BMPER: variants seen among roughly 807,000 people sequenced by gnomAD.
BMPER encodes the protein BMP binding endothelial regulator.
Under a neutral mutation model 87.3 loss-of-function variants are expected in BMPER, and 45 were observed. That is an observed-to-expected ratio of 0.52 (90% CI 0.41 to 0.66). BMPER has a LOEUF of 0.66. Among genes scored for constraint, BMPER ranks in the 30% least tolerant of loss-of-function variants. The probability of loss-of-function intolerance (pLI) is 0.00; values close to 1 mark genes in which losing one functional copy is unlikely to be tolerated. For missense variants in BMPER, 784 were observed against 867.5 expected, an observed-to-expected ratio of 0.90 and a Z score of 1.21; for synonymous variants, 326 against 316.2, an observed-to-expected ratio of 1.03 and a Z score of -0.33.
At chr7:34,091,690 T>C (rs1789384880) in intron 13 of BMPER, among the ~76,000 whole-genome samples, 1 of 152,258 alleles carries the variant, frequency 6.6e-6, no homozygotes, top group Non-Finnish European at 1.5e-5. Context: ...TTATGCCTAG[T>C]GTTCCATTTT....
At chr7:34,110,811 CA>C (rs1789942114) in intron 13 of BMPER, among the ~76,000 whole-genome samples, 1 of 152,034 alleles carries the variant, frequency 6.6e-6, no homozygotes, top group African/African-American at 2.4e-5. Flanking sequence ...ACTGAATAAT[CA>C]GACAAAATTA....
intron 6 of BMPER, among the ~76,000 whole-genome samples, chr7:33,998,521 A>C (rs2127933289): frequency 6.6e-6 from 1 of 152,352 alleles, no homozygotes; most frequent in South Asian, 2.1e-4. Context: ...AATTCTCAAA[A>C]CTTAGGCACT....
chr7:34,060,361 TG>T (rs948049713), intron 10 of BMPER, among the ~76,000 whole-genome samples: 21 of 152,148 alleles, frequency 1.4e-4, no homozygotes, highest in African/African-American at 5.1e-4. Flanking sequence ...CGTCATTCCC[TG>T]GGCCTGAGCT....
intron 9 of BMPER, among the ~76,000 whole-genome samples, chr7:34,056,837 C>A (rs771866272): frequency 1.2e-4 from 18 of 152,204 alleles, no homozygotes; most frequent in Non-Finnish European, 2.1e-4. Flanking sequence ...AGGCTGATCT[C>A]GAACTCCCGA....
chr7:34,080,886 T>TTA (rs147899921), intron 12 of BMPER, among the ~76,000 whole-genome samples: 4,593 of 152,304 alleles, frequency 0.03, 217 homozygotes, highest in African/African-American at 0.1. Context: ...AGATTCCATG[T>TTA]TATAAAAATG....
At chr7:34,067,609 T>C (rs1406801556) in intron 11 of BMPER, among the ~76,000 whole-genome samples, 1 of 151,924 alleles carries the variant, frequency 6.6e-6, no homozygotes, top group Non-Finnish European at 1.5e-5. Flanking sequence ...AGAATAAGAA[T>C]TTGTGGTGTT....
intron 13 of BMPER, among the ~76,000 whole-genome samples, chr7:34,103,310 C>A (rs1789731750): frequency 2.0e-5 from 3 of 152,174 alleles, no homozygotes; most frequent in African/African-American, 7.2e-5. Context: ...GTGGACCTGG[C>A]ACTTCTGCTC....
chr7:34,009,912 T>A (rs1297240103), intron 6 of BMPER, among the ~76,000 whole-genome samples: 1 of 152,018 alleles, frequency 6.6e-6, no homozygotes, highest in Non-Finnish European at 1.5e-5. Context: ...GACCGTCTTA[T>A]ATTTTTGTTG....
intron 6 of BMPER, among the ~76,000 whole-genome samples, chr7:33,995,671 G>A (rs910872644): frequency 2.6e-5 from 4 of 152,140 alleles, no homozygotes; most frequent in East Asian, 1.9e-4. Flanking sequence ...TTTTGGCAGC[G>A]TTGGTTCCAT....
At chr7:34,143,781 GA>G (rs1790941378) in intron 14 of BMPER, among the ~76,000 whole-genome samples, 1 of 152,148 alleles carries the variant, frequency 6.6e-6, no homozygotes, top group Non-Finnish European at 1.5e-5. Flanking sequence ...AAGCCTAGTA[GA>G]ATTTTTTTCC....
chr7:33,937,222 G>T (rs562033098), intron 2 of BMPER, 67 bp from the exon 3 acceptor site: 5 of 1,517,254 alleles, frequency 3.3e-6, no homozygotes, highest in Non-Finnish European at 4.6e-6. Context: ...AACCTCTGTG[G>T]TGTGTTAGGA....
At chr7:34,078,240 T>G (rs143803448) in intron 11 of BMPER, among the ~76,000 whole-genome samples, 1 of 152,190 alleles carries the variant, frequency 6.6e-6, no homozygotes, top group Non-Finnish European at 1.5e-5. Flanking sequence ...GATCAAAACA[T>G]AGGAATTTTT....
chr7:33,951,708 G>A (rs1363066258), intron 3 of BMPER, among the ~76,000 whole-genome samples: 1 of 152,168 alleles, frequency 6.6e-6, no homozygotes, highest in Non-Finnish European at 1.5e-5. Flanking sequence ...GGGAATAAGA[G>A]AAAGATGGGA....
chr7:33,964,359 C>T (rs192240272), intron 3 of BMPER, among the ~76,000 whole-genome samples: 8 of 151,682 alleles, frequency 5.3e-5, no homozygotes, highest in Admixed American at 3.3e-4. Flanking sequence ...TCTATTTAGT[C>T]AGTCAGATTC....
chr7:34,136,212 C>G (rs532678021), intron 13 of BMPER, among the ~76,000 whole-genome samples: 1 of 152,296 alleles, frequency 6.6e-6, no homozygotes, highest in Non-Finnish European at 1.5e-5. Context: ...TCATTGACAG[C>G]TCAATAAAAC....
At chr7:33,972,034 C>T (rs992542874) in intron 5 of BMPER, among the ~76,000 whole-genome samples, 3 of 152,096 alleles carry the variant, frequency 2.0e-5, no homozygotes, top group Non-Finnish European at 4.4e-5. Flanking sequence ...TCCCGAGTAG[C>T]TGGGACTACA....
chr7:34,023,208 C>G (rs1211211960), intron 6 of BMPER, among the ~76,000 whole-genome samples: 2 of 152,018 alleles, frequency 1.3e-5, no homozygotes, highest in Admixed American at 1.3e-4. Context: ...ATAGCAGGAT[C>G]CACTGCTGTC....
At chr7:34,039,011 G>A (rs1003457812) in intron 6 of BMPER, among the ~76,000 whole-genome samples, 1 of 152,174 alleles carries the variant, frequency 6.6e-6, no homozygotes, top group Non-Finnish European at 1.5e-5. Context: ...GTCTCCACCC[G>A]CACTGTTTCT....
intron 4 of BMPER, 45 bp from the exon 5 acceptor site, chr7:33,970,284 G>C (rs750507325): frequency 2.5e-6 from 4 of 1,584,550 alleles, no homozygotes; most frequent in Non-Finnish European, 3.5e-6. Context: ...TAGTAACTCC[G>C]TGGGAATTCT....
Sources: gnomAD v4.1 joint callset for allele counts (sites outside exome capture counted in the v4.1 genomes callset) on GRCh38, gnomAD v4.1.1 for gene constraint, MANE v1.5 for transcripts, NCBI Gene and HGNC (gene_info 2026-07-23, HGNC 2026-07-21) for gene names.